The following TRIM24 variants were observed in gnomAD, a reference collection of about 807,000 sequenced individuals.
The protein encoded by TRIM24 is tripartite motif containing 24.
Under a neutral mutation model 123.9 loss-of-function variants are expected in TRIM24, and 29 were observed. The observed-to-expected ratio is 0.23, with a 90% CI of 0.17 to 0.32. TRIM24 has a LOEUF of 0.32. Ranked by LOEUF, TRIM24 falls within the 10% of genes least tolerant of loss-of-function variation. The pLI, the probability that TRIM24 is intolerant of heterozygous loss-of-function variation, is 1.00. For missense variants in TRIM24, 932 were observed against 1,295.3 expected, an observed-to-expected ratio of 0.72 and a Z score of 4.31; for synonymous variants, 456 against 461.1, an observed-to-expected ratio of 0.99 and a Z score of 0.14.
At chr7:138,527,123 T>C (rs550168964) in intron 5 of TRIM24, among the ~76,000 whole-genome samples, 1 of 152,220 alleles carries the variant, frequency 6.6e-6, no homozygotes, top group African/African-American at 2.4e-5. Flanking sequence ...TTTCAGCACC[T>C]TTATAGACCA....
At chr7:138,485,508 C>T (rs1341146967) in intron 1 of TRIM24, among the ~76,000 whole-genome samples, 1 of 152,156 alleles carries the variant, frequency 6.6e-6, no homozygotes, top group African/African-American at 2.4e-5. Context: ...CCCCCATCCC[C>T]TCACCCCATG....
intron 1 of TRIM24, chr7:138,490,932 GT>G: frequency 1.4e-5 from 5 of 365,856 alleles, no homozygotes; most frequent in South Asian, 2.3e-5. Context: ...CTGATTGTTG[GT>G]TTTTTTAGTA....
At chr7:138,573,961 G>A (rs912667757) in intron 12 of TRIM24, among the ~76,000 whole-genome samples, 2 of 152,164 alleles carry the variant, frequency 1.3e-5, no homozygotes, top group African/African-American at 2.4e-5. Flanking sequence ...TCTACCAAAC[G>A]TGGCTAATAT....
chr7:138,541,085 C>T (rs1323912369), intron 7 of TRIM24, among the ~76,000 whole-genome samples: 1 of 152,128 alleles, frequency 6.6e-6, no homozygotes, highest in African/African-American at 2.4e-5. Context: ...AGTGATCCAC[C>T]CGCCTTGGCC....
At chr7:138,510,745 C>G (rs1796269059) in intron 2 of TRIM24, among the ~76,000 whole-genome samples, 1 of 152,134 alleles carries the variant, frequency 6.6e-6, no homozygotes, top group Non-Finnish European at 1.5e-5. Flanking sequence ...TTTAAAGTTA[C>G]CTGAAACAAA....
Position 138,538,688 on chromosome 7 carries a change from T to C in TRIM24, c.1028T>C (p.Met343Thr). 6 of 1,614,182 alleles carry C rather than the reference T, an allele frequency of 3.7e-6. No individual in the cohort carries two copies. The highest frequency in any genetic ancestry group is 1.7e-4 in the Middle Eastern group (1 of 6,060). ...GCAAAGGACCATCGCATGAAACTTA[T>C]GCAACAACAACAGGAAGTGGCTGGA... ...SLAKDHRMKL[M>T]QQQQEVAGLS... Residue 343 changes from methionine (M) to threonine (T), a missense_variant, in exon 7 of 19, where the codon ATG becomes ACG. Met to Thr is a moderately conservative substitution (Grantham distance 81, BLOSUM62 -1). Transcript: ENST00000343526.
intron 11 of TRIM24, among the ~76,000 whole-genome samples, chr7:138,571,468 G>A (rs760183658): frequency 2.6e-5 from 4 of 152,242 alleles, no homozygotes; most frequent in East Asian, 1.9e-4. Context: ...TCAAGCCACC[G>A]GAGTTAAAGG....
At chr7:138,536,921 C>T (rs578152856) in intron 6 of TRIM24, among the ~76,000 whole-genome samples, 12 of 152,342 alleles carry the variant, frequency 7.9e-5, no homozygotes, top group African/African-American at 2.9e-4. Context: ...ATGGTGGGCG[C>T]CCCTTCCCCA....
intron 9 of TRIM24, among the ~76,000 whole-genome samples, chr7:138,564,686 A>G (rs757302616): frequency 8.5e-5 from 13 of 152,146 alleles, no homozygotes; most frequent in African/African-American, 2.2e-4. Context: ...TTCGACCCCA[A>G]TCACCACCTT....
intron 12 of TRIM24, among the ~76,000 whole-genome samples, chr7:138,576,140 A>AT (rs1797753409): frequency 6.6e-6 from 1 of 152,228 alleles, no homozygotes; most frequent in Admixed American, 6.5e-5. Flanking sequence ...ATGCAGAGAC[A>AT]TTCCTCCACA....
At chr7:138,549,604 A>T (rs1221927394) in intron 7 of TRIM24, among the ~76,000 whole-genome samples, 1 of 152,206 alleles carries the variant, frequency 6.6e-6, no homozygotes, top group Admixed American at 6.5e-5. Flanking sequence ...AAGCCTGAAC[A>T]TAATGGTTTC....
chr7:138,541,803 A>G (rs1367845771), intron 7 of TRIM24, among the ~76,000 whole-genome samples: 1 of 152,224 alleles, frequency 6.6e-6, no homozygotes, highest in Admixed American at 6.5e-5. Context: ...ACCTTCGTCA[A>G]TGATCTTAGC....
intron 4 of TRIM24, among the ~76,000 whole-genome samples, chr7:138,519,924 C>G (rs780934527): frequency 6.6e-6 from 1 of 152,032 alleles, no homozygotes; most frequent in African/African-American, 2.4e-5. Context: ...CAGTAAGATT[C>G]GGATTGATAC....
Position 138,585,199 on chromosome 7 carries a change from A to G in TRIM24, c.*248A>G. 1 of 328,082 alleles carries G rather than the reference A, an allele frequency of 3.0e-6. No homozygotes were observed. The highest frequency in any genetic ancestry group is 5.5e-6 in the Non-Finnish European group (1 of 182,494). The allele number at this position is 328,082 out of a possible 1,614,324, so 20.3% of individuals were successfully genotyped here. ...AGAAGGAAAAAAGGAGGATAGAAAA[A>G]GGATGGAAGAAAGAAGCATTGAAAA... On this transcript the variant is annotated 3_prime_UTR_variant, in exon 19 of 19. Transcript: ENST00000343526.
chr7:138,466,040 G>T (rs1444585920), intron 1 of TRIM24, among the ~76,000 whole-genome samples: 1 of 152,200 alleles, frequency 6.6e-6, no homozygotes. Context: ...GTCTCACTCT[G>T]TCGCCCAGGC....
Position 138,534,008 on chromosome 7 carries a change from T to C in TRIM24, c.997-4649T>C, listed in dbSNP as rs188504463. Among the ~76,000 whole-genome samples the C allele has an allele frequency of 1.2e-3, 176 of 152,300 alleles. 2 individuals are homozygous for C. The highest frequency in any genetic ancestry group is 1.0e-3 in the South Asian group (5 of 4,826). On this transcript the variant is annotated intron_variant, in intron 6 of 18. Transcript: ENST00000343526. ...ATTTTCTAGTTTATTTGCATAGAGG[T>C]GTTTATAGTATTCTCTGATGGTAGT...
chr7:138,589,277 A>G lies in TRIM24; in HGVS notation c.*4326A>G, dbSNP rs1213054969. On this transcript the variant is annotated 3_prime_UTR_variant, in exon 19 of 19. Coordinates refer to ENST00000343526, the MANE Select transcript of TRIM24 (RefSeq NM_015905.3). ...ATTTTTCTCCATGAAGGTTTTACTT[A>G]TTGAGAGGGACATCTGAGGCAGTAG... 1 of 152,178 alleles carries G rather than the reference A, an allele frequency of 6.6e-6. No homozygotes were observed. Among genetic ancestry groups the G allele is most frequent in the Non-Finnish European group, 1.5e-5 (1 of 68,040 alleles). 9.4% of individuals were successfully genotyped at this position (152,178 alleles called of 1,614,324 possible).
intron 4 of TRIM24, among the ~76,000 whole-genome samples, chr7:138,523,993 C>G (rs1046847731): frequency 6.6e-6 from 1 of 151,950 alleles, no homozygotes; most frequent in Non-Finnish European, 1.5e-5. Flanking sequence ...CCTTAAATCT[C>G]GTAGTATTGT....
At chr7:138,576,282 T>C in intron 12 of TRIM24, 91 bp from the exon 13 acceptor site, 1 of 1,196,278 alleles carries the variant, frequency 8.4e-7, no homozygotes, top group Non-Finnish European at 1.2e-6. Context: ...TGGTTCCCAG[T>C]TTCAATGTAG....
Sources: gnomAD v4.1 joint callset for allele counts (sites outside exome capture counted in the v4.1 genomes callset) on GRCh38, gnomAD v4.1.1 for gene constraint, MANE v1.5 for transcripts, NCBI Gene and HGNC (gene_info 2026-07-23, HGNC 2026-07-21) for gene names.